The following NBEA variants were observed in gnomAD, a reference collection of about 807,000 sequenced individuals.
The protein encoded by NBEA is neurobeachin.
In NBEA, 44 loss-of-function variants were observed where a neutral mutation model predicts 343.4. The observed-to-expected ratio is 0.13, with a 90% CI of 0.10 to 0.16. The LOEUF (loss-of-function observed/expected upper bound fraction) is 0.16. Among genes scored for constraint, NBEA ranks in the 10% least tolerant of loss-of-function variants. The pLI, the probability that NBEA is intolerant of heterozygous loss-of-function variation, is 1.00. For synonymous variants in NBEA, 1,175 were observed against 1,238.7 expected, an observed-to-expected ratio of 0.95 and a Z score of 1.08; for missense variants, 2,555 against 3,631.3, an observed-to-expected ratio of 0.70 and a Z score of 7.62.
chr13:35,601,092 G>C (rs945676259), intron 47 of NBEA, among the ~76,000 whole-genome samples: 2 of 151,832 alleles, frequency 1.3e-5, no homozygotes, highest in Non-Finnish European at 2.9e-5. Flanking sequence ...CTCAAGAATC[G>C]CTTGAACCTG....
intron 41 of NBEA, among the ~76,000 whole-genome samples, chr13:35,515,970 A>C (rs2077471842): frequency 6.6e-6 from 1 of 152,248 alleles, no homozygotes; most frequent in Non-Finnish European, 1.5e-5. Flanking sequence ...GAATGGTGGT[A>C]ACACAGGTGT....
intron 18 of NBEA, among the ~76,000 whole-genome samples, chr13:35,151,637 CTTGA>C (rs1348422092): frequency 6.6e-6 from 1 of 150,820 alleles, no homozygotes; most frequent in African/African-American, 2.4e-5. Context: ...AAAAATCTAT[CTTGA>C]TTATTTTGAA....
chr13:35,173,612 C>T lies in NBEA; in HGVS notation c.4554+18C>T. On this transcript the variant is annotated intron_variant, in intron 27 of 58. Transcript: ENST00000379939. ...CTTCGAAGGTAAGTAAACTTTTTTT[C>T]TTGGCCAAATATAATTTACCTGAAA... The T allele has an allele frequency of 6.3e-7, 1 of 1,588,236 alleles. No individual in the cohort carries two copies. Among genetic ancestry groups the T allele is most frequent in the Non-Finnish European group, 8.6e-7 (1 of 1,168,636 alleles).
intron 39 of NBEA, among the ~76,000 whole-genome samples, chr13:35,436,707 CAA>C (rs71081254): frequency 2.1e-4 from 17 of 80,370 alleles, no homozygotes; most frequent in Admixed American, 2.9e-4. Context: ...GACTCCGTCT[CAA>C]AAAAAAAAAA....
intron 1 of NBEA, among the ~76,000 whole-genome samples, chr13:35,016,326 A>C (rs930313092): frequency 1.3e-5 from 2 of 152,108 alleles, no homozygotes; most frequent in African/African-American, 4.8e-5. Context: ...CTTAAGTTTT[A>C]TGGTAAAAAT....
chr13:35,219,730 G>A (rs544860656), intron 33 of NBEA, among the ~76,000 whole-genome samples: 1 of 152,176 alleles, frequency 6.6e-6, no homozygotes, highest in South Asian at 2.1e-4. Flanking sequence ...AAAGCTGGCT[G>A]GCTCAAGACT....
At chr13:35,183,758 A>G (rs972692022) in intron 29 of NBEA, among the ~76,000 whole-genome samples, 16 of 152,112 alleles carry the variant, frequency 1.1e-4, no homozygotes, top group African/African-American at 3.9e-4. Context: ...TTTCTTGTGT[A>G]TTTGTATGTC....
intron 1 of NBEA, among the ~76,000 whole-genome samples, chr13:34,997,407 T>C (rs2060976737): frequency 6.6e-6 from 1 of 152,182 alleles, no homozygotes; most frequent in Non-Finnish European, 1.5e-5. Flanking sequence ...CCATTGCACA[T>C]TGATATATGA....
intron 1 of NBEA, among the ~76,000 whole-genome samples, chr13:35,022,930 AG>A: frequency 6.6e-6 from 1 of 152,282 alleles, no homozygotes; most frequent in African/African-American, 2.4e-5. Flanking sequence ...AATTTCATAT[AG>A]CTTTATCTAG....
intron 41 of NBEA, among the ~76,000 whole-genome samples, chr13:35,472,877 T>G (rs1410985501): frequency 6.6e-6 from 1 of 152,180 alleles, no homozygotes; most frequent in African/African-American, 2.4e-5. Flanking sequence ...AGAAATTTCT[T>G]ATTAAGATCA....
chr13:35,566,677 A>T (rs1300191334), intron 44 of NBEA, among the ~76,000 whole-genome samples: 2 of 152,218 alleles, frequency 1.3e-5, no homozygotes, highest in African/African-American at 4.8e-5. Context: ...CAATTACAAT[A>T]ACCAGCCAGT....
chr13:35,102,665 C>A (rs1593350524), intron 11 of NBEA, among the ~76,000 whole-genome samples: 1 of 151,614 alleles, frequency 6.6e-6, no homozygotes, highest in Non-Finnish European at 1.5e-5. Flanking sequence ...CCCAAAAGGC[C>A]AAGAAGCAAT....
chr13:35,045,616 C>A (rs1038344231), intron 4 of NBEA, among the ~76,000 whole-genome samples: 1 of 152,100 alleles, frequency 6.6e-6, no homozygotes, highest in Non-Finnish European at 1.5e-5. Flanking sequence ...CTACCCATCC[C>A]CACTCCTTAC....
intron 40 of NBEA, among the ~76,000 whole-genome samples, chr13:35,457,341 T>C (rs2046637999): frequency 6.6e-6 from 1 of 152,196 alleles, no homozygotes; most frequent in African/African-American, 2.4e-5. Flanking sequence ...TTTTGGTATA[T>C]TCATTCACAG....
chr13:35,001,371 C>G (rs901532335), intron 1 of NBEA, among the ~76,000 whole-genome samples: 4 of 152,174 alleles, frequency 2.6e-5, no homozygotes, highest in Admixed American at 2.0e-4. Flanking sequence ...ACTTGCACTC[C>G]CATGTTTATT....
chr13:35,547,733 C>A (rs915107355), intron 41 of NBEA, among the ~76,000 whole-genome samples: 4 of 151,962 alleles, frequency 2.6e-5, no homozygotes, highest in Non-Finnish European at 5.9e-5. Flanking sequence ...ACTAAAAATA[C>A]AAAAATTAGC....
intron 34 of NBEA, among the ~76,000 whole-genome samples, chr13:35,232,931 G>A (rs1364287927): frequency 3.3e-5 from 5 of 152,016 alleles, no homozygotes; most frequent in Non-Finnish European, 5.9e-5. Flanking sequence ...TGTTTATTAA[G>A]CAGTGATCTC....
chr13:35,123,767 A>G lies in NBEA; in HGVS notation c.2336+193A>G, dbSNP rs1459029641. ...TAATAGTAGATTGTGAAACAAAATTACAATTTAAGTAATTAGTTTATTTCT... is the reference window on the plus strand; with the variant it reads ...TAATAGTAGATTGTGAAACAAAATTGCAATTTAAGTAATTAGTTTATTTCT... On this transcript the variant is annotated intron_variant, in intron 17 of 58. Transcript: ENST00000379939. Among the ~76,000 whole-genome samples, 9 of 152,296 alleles carry G rather than the reference A, an allele frequency of 5.9e-5. 1 individual carries two copies. Among genetic ancestry groups the G allele is most frequent in the African/African-American group, 2.2e-4 (9 of 41,582 alleles).
chr13:35,039,466 ATATTCT>A (rs1481083525), intron 1 of NBEA, among the ~76,000 whole-genome samples: 2 of 152,144 alleles, frequency 1.3e-5, no homozygotes, highest in Middle Eastern at 3.2e-3. Context: ...CTCCTAAAAA[ATATTCT>A]TATATGAGAT....
Sources: gnomAD v4.1 joint callset for allele counts (sites outside exome capture counted in the v4.1 genomes callset) on GRCh38, gnomAD v4.1.1 for gene constraint, MANE v1.5 for transcripts, NCBI Gene and HGNC (gene_info 2026-07-23, HGNC 2026-07-21) for gene names.